The following AHNAK2 variants were observed in gnomAD, a reference collection of about 807,000 sequenced individuals.
AHNAK2 encodes protein AHNAK2.
AHNAK2 carries 18 observed loss-of-function variants against 30.7 expected under a neutral mutation model. The ratio of observed to expected loss-of-function variants is 0.59; its 90% CI spans 0.41 to 0.87. The LOEUF (loss-of-function observed/expected upper bound fraction) is 0.87, where lower values mean the gene tolerates loss of function less well. Among genes scored for constraint, AHNAK2 ranks in the 40% least tolerant of loss-of-function variants. The pLI is 0.00. For missense variants in AHNAK2, 8,604 were observed against 7,373.0 expected, an observed-to-expected ratio of 1.17 and a Z score of -6.11; for synonymous variants, 3,590 against 3,073.8, an observed-to-expected ratio of 1.17 and a Z score of -5.56.
chr14:104,939,811 C>T lies in AHNAK2; in HGVS notation c.15640G>A (p.Glu5214Lys). 1 of 1,613,662 alleles carries T rather than the reference C, an allele frequency of 6.2e-7. No homozygotes were observed. Among genetic ancestry groups the T allele is most frequent in the Non-Finnish European group, 8.5e-7 (1 of 1,179,892 alleles). ...GCCGGTGCCTGTGTCTGAGCCACTT[C>T]CAGCTTTCCAGCCCCGCCTCTGTCC... ...FRDRGGAGKL[E>K]VAQTQAPAAT... is the part of the protein sequence containing the mutation. Residue 5214 changes from glutamate to lysine, a missense_variant, in exon 7 of 7, where the codon GAA (glutamate) becomes AAA (lysine). Glu to Lys is a moderately conservative substitution (Grantham distance 56, BLOSUM62 1). Coordinates refer to ENST00000333244, the MANE Select transcript of AHNAK2 (RefSeq NM_138420.4).
Position 104,943,853 on chromosome 14 carries a change from CT to C in AHNAK2, c.11597del (p.Gln3866ArgfsTer4), listed in dbSNP as rs1450566734. 1.3e-5 allele frequency: 21 copies of C among 1,612,754 alleles called. No individual in the cohort carries two copies. Among genetic ancestry groups the C allele is most frequent in the Non-Finnish European group, 1.8e-5 (21 of 1,179,506 alleles). Reference protein sequence around the residue: ...HSADLTVQARQVDMKLLEGHV... With the variant: ...HSADLTVQARXVDMKLLEGHV... ...GGCCCTCCAGGAGTTTCATGTCCAC[CT>C]GGCGAGCTTGGACCGTCAGGTCGGC... On this transcript the variant is annotated frameshift_variant, in exon 7 of 7. Transcript: ENST00000333244. LOFTEE classifies it low-confidence loss of function (END_TRUNC).
At position 104,941,898 on chromosome 14, in the gene AHNAK2, G is replaced by A. The variant is rs1190036202; in HGVS notation, c.13553C>T (p.Ala4518Val). The change falls in exon 7 of 7, where the codon GCC becomes GTC. Residue 4518 changes from alanine to valine, a missense_variant. Ala to Val is a moderately conservative substitution (Grantham distance 64, BLOSUM62 0). Transcript: ENST00000333244. ...TTDLRIQAPS[A>V]DLEVQAGQVD... The stretch of plus-strand genomic sequence containing the variant: ...CTGGCCAGCCTGGACCTCCAGGTCG[G>A]CGGAAGGGGCCTGAATGCGGAGGTC... The A allele has an allele frequency of 6.2e-7, 1 of 1,613,560 alleles. No individual in the cohort carries two copies. The highest frequency in any genetic ancestry group is 1.1e-5 in the South Asian group (1 of 91,078).
rs141406015 is a variant in AHNAK2, at chr14:104,949,886, G to C, written c.5565C>G (p.Ala1855=). The C allele has an allele frequency of 1.0e-5, 16 of 1,554,116 alleles. No homozygotes were observed. The highest frequency in any genetic ancestry group is 3.4e-5 in the South Asian group (3 of 89,046). ...CCTGCATGGAGGGGAGGCTCACTTC[G>C]GCCTCCACCTTCGGCGCAGACACAT... ...SVDVSAPKVE[A]EVSLPSMQGD... is the part of the protein sequence containing the mutation. Residue 1855 remains alanine, a synonymous_variant, in exon 7 of 7, where the codon GCC becomes GCG. Transcript: ENST00000333244.
In AHNAK2 at chr14:104,943,789, T is replaced by G; in HGVS notation, c.11662A>C (p.Lys3888Gln). 1 of 1,613,096 alleles carries G rather than the reference T, an allele frequency of 6.2e-7. No homozygotes were observed. Among genetic ancestry groups the G allele is most frequent in the Non-Finnish European group, 8.5e-7 (1 of 1,179,556 alleles). Reference protein sequence around the residue: ...EEAGLKGHLPKVQMPSFKMPK... With the variant: ...EEAGLKGHLPQVQMPSFKMPK... The stretch of plus-strand genomic sequence containing the variant: ...ATCTTGAAACTGGGCATCTGCACCT[T>G]GGGCAGGTGTCCTTTGAGGCCGGCT... Residue 3888 changes from lysine to glutamine, a missense_variant, in exon 7 of 7, where the codon AAG (lysine) becomes CAG (glutamine). Transcript: ENST00000333244.
Position 104,950,851 on chromosome 14 carries a change from C to T in AHNAK2, c.4600G>A (p.Gly1534Arg), listed in dbSNP as rs1415437708. 1.9e-6 allele frequency: 3 copies of T among 1,584,948 alleles called. No individual in the cohort carries two copies. In the Admixed American group the frequency reaches 5.2e-5, roughly 28 times the overall value. ...EADVSLPSMQGDLKATDLSIQ... is the reference protein window; with the variant it reads ...EADVSLPSMQRDLKATDLSIQ... ...CTCAGGTCAGTGGCCTTGAGGTCCC[C>T]CTGCATGGAGGGGAGGCTCACGTCG... The change falls in exon 7 of 7, where the codon GGG becomes AGG. Residue 1534 changes from glycine (G) to arginine (R), a missense_variant. Physicochemically the swap from Gly to Arg is moderately radical, Grantham distance 125 (BLOSUM62 -2). Transcript: ENST00000333244.
Position 104,938,839 on chromosome 14 carries a change from T to C in AHNAK2, c.16612A>G (p.Met5538Val), listed in dbSNP as rs1435592547. 1 of 1,613,918 alleles carries C rather than the reference T, an allele frequency of 6.2e-7. No individual in the cohort carries two copies. The highest frequency in any genetic ancestry group is 1.7e-5 in the Admixed American group (1 of 60,024). The change falls in exon 7 of 7, where the codon ATG (methionine) becomes GTG (valine). Residue 5538 changes from methionine (M) to valine (V), a missense_variant. Met to Val is a conservative substitution (Grantham distance 21, BLOSUM62 1). Transcript: ENST00000333244. ...TCCTGAGTCCTAGAGTGTTGAGTCA[T>C]TGTTGTGTACACTCTAGCCTGCGTG... ...PHTQARVYTT[M>V]TQHSRTQEGT...
In AHNAK2 at chr14:104,948,036, G is replaced by C; in HGVS notation, c.7415C>G (p.Ala2472Gly). 6.2e-7 allele frequency: 1 copy of C among 1,612,552 alleles called. No homozygotes were observed. The highest frequency in any genetic ancestry group is 8.5e-7 in the Non-Finnish European group (1 of 1,179,590). The change falls in exon 7 of 7, where the codon GCG becomes GGG. Residue 2472 changes from alanine (A) to glycine (G), a missense_variant. Transcript: ENST00000333244. ...GTCTTTGGTAGTCACATCCTTGTCC[G>C]CCACAGACAGGTCCCCCTCCAGCCA... ...GAWLEGDLSV[A>G]DKDVTTKDSR...
In AHNAK2 at chr14:104,941,281, C is replaced by T; in HGVS notation, c.14170G>A (p.Gly4724Ser). ...TKTPKDSLVP[G>S]AKSSIGLSTI... ...GAAAGACCTATGCTAGACTTTGCACCTGGGACTAAACTATCTTTAGGAGTT... is the reference window on the plus strand; with the variant it reads ...GAAAGACCTATGCTAGACTTTGCACTTGGGACTAAACTATCTTTAGGAGTT... Residue 4724 changes from glycine (G) to serine (S), a missense_variant, in exon 7 of 7, where the codon GGT becomes AGT. Transcript: ENST00000333244. 1 of 1,613,550 alleles carries T rather than the reference C, an allele frequency of 6.2e-7. No individual in the cohort carries two copies. The highest frequency in any genetic ancestry group is 8.5e-7 in the Non-Finnish European group (1 of 1,179,812).
At position 104,939,465 on chromosome 14, in the gene AHNAK2, G is replaced by A; in HGVS notation, c.15986C>T (p.Pro5329Leu). Residue 5329 changes from proline to leucine, a missense_variant, in exon 7 of 7, where the codon CCT (proline) becomes CTT (leucine). Coordinates refer to ENST00000333244, the MANE Select transcript of AHNAK2 (RefSeq NM_138420.4). ...AAGGTCATGTCCTGGCTTGGAAAGA[G>A]GAGTCTCATCTATTTCTCCTGGAAG... is the stretch of plus-strand genomic sequence containing the variant. ...QVLPGEIDET[P>L]LSKPGHDLAS... 1 of 1,613,392 alleles carries A rather than the reference G, an allele frequency of 6.2e-7. No homozygotes were observed. Among genetic ancestry groups the A allele is most frequent in the Non-Finnish European group, 8.5e-7 (1 of 1,179,766 alleles).
rs77111827 is a variant in AHNAK2, at chr14:104,950,906, T to G, written c.4545A>C (p.Ser1515=). The G allele has an allele frequency of 2.1e-3, 3,198 of 1,529,586 alleles. 235 individuals are homozygous for G. In the African/African-American group the frequency reaches 0.034, roughly 16 times the overall value. The allele number at this position is 1,529,586 out of a possible 1,614,324, so 94.8% of individuals were successfully genotyped here. Residue 1515 remains serine, a synonymous_variant, in exon 7 of 7, where the codon TCA becomes TCC. Transcript: ENST00000333244. ...CCACCTTCGGCGCAGACACATCCAC[T>G]GAGGCCTCGATGGACTTGCCTGGGG... ...VSAPGKSIEA[S]VDVSAPKVEA... is the part of the protein sequence containing the mutation.
rs767978036 is a variant in AHNAK2 at position 104,940,511 on chromosome 14, G to A, written c.14940C>T (p.Ser4980=). 46 of 1,613,602 alleles carry A rather than the reference G, an allele frequency of 2.9e-5. No homozygotes were observed. The highest frequency in any genetic ancestry group is 1.1e-4 in the East Asian group (5 of 44,900). The change falls in exon 7 of 7, where the codon AGC becomes AGT. Residue 4980 remains serine, a synonymous_variant. Coordinates refer to ENST00000333244, the MANE Select transcript of AHNAK2 (RefSeq NM_138420.4). This position sits in a 1 kb window ranked among gnomAD's most constrained non-coding sequence, Gnocchi z 4.4. Reference sequence around the variant, plus strand: ...CCAGGCTGAGTTTTGAGTCCTCCACGCTGCATTCTGGGTCCACCTTTGGCC... The same window carrying A: ...CCAGGCTGAGTTTTGAGTCCTCCACACTGCATTCTGGGTCCACCTTTGGCC... ...ETGPKVDPEC[S]VEDSKLSLVL...
At chr14:104,968,794 G>A (rs960051377) in intron 1 of AHNAK2, among the ~76,000 whole-genome samples, 2 of 152,218 alleles carry the variant, frequency 1.3e-5, no homozygotes, top group African/African-American at 4.8e-5. Context: ...ACACGTGTGT[G>A]CTCACAGGAT....
rs892155515 is a variant in AHNAK2 at position 104,966,242 on chromosome 14, T to G, written c.56-8570A>C. 2.6e-5 allele frequency among the ~76,000 whole-genome samples: 4 copies of G among 152,174 alleles called. No individual in the cohort carries two copies. Among genetic ancestry groups the G allele is most frequent in the Non-Finnish European group, 5.9e-5 (4 of 67,964 alleles). On this transcript the variant is annotated intron_variant, in intron 1 of 6. Coordinates refer to ENST00000333244, the MANE Select transcript of AHNAK2 (RefSeq NM_138420.4). The surrounding 1 kb of genome is among the most constrained non-coding windows in gnomAD (Gnocchi z 4.3). The stretch of plus-strand genomic sequence containing the variant: ...CATCCCGGCCCCGCCACCTTCCTAC[T>G]GCTCCGGGGGCCAGGCCCAGACCCC...
chr14:104,945,759 A>C lies in AHNAK2; in HGVS notation c.9692T>G (p.Met3231Arg). The stretch of plus-strand genomic sequence containing the variant: ...TACTTTGGGCATCTTGAAACTGGGC[A>C]TCTGCAACTTGGGCAGGTGCCCTTT... ...GLKGHLPKLQMPSFKMPKVDR... is the reference protein window; with the variant it reads ...GLKGHLPKLQRPSFKMPKVDR... Residue 3231 changes from methionine (M) to arginine (R), a missense_variant, in exon 7 of 7, where the codon ATG becomes AGG. Coordinates refer to ENST00000333244, the MANE Select transcript of AHNAK2 (RefSeq NM_138420.4). 6.3e-7 allele frequency: 1 copy of C among 1,594,782 alleles called. No homozygotes were observed. The highest frequency in any genetic ancestry group is 8.6e-7 in the Non-Finnish European group (1 of 1,168,972).
rs761767516 is a variant in AHNAK2, at chr14:104,948,540, AT to A, written c.6910del (p.Met2304CysfsTer8). On this transcript the variant is annotated frameshift_variant, in exon 7 of 7. Coordinates refer to ENST00000333244, the MANE Select transcript of AHNAK2 (RefSeq NM_138420.4). LOFTEE classifies it low-confidence loss of function (END_TRUNC). ...AGTCACGTCCTTGTCGGCCAGGGAC[AT>A]GTCCCCCTCCAGCCGCGCACCATCC... ...KLDGARLEGD[M>X]SLADKDVTAK... The A allele has an allele frequency of 6.2e-7, 1 of 1,612,000 alleles. No individual in the cohort carries two copies. Among genetic ancestry groups the A allele is most frequent in the Admixed American group, 1.7e-5 (1 of 59,846 alleles).
In AHNAK2 at chr14:104,952,149, A is replaced by G. The variant is rs1361751106; in HGVS notation, c.3302T>C (p.Val1101Ala). Residue 1101 changes from valine to alanine, a missense_variant, in exon 7 of 7, where the codon GTG becomes GCG. Val to Ala is a moderately conservative substitution (Grantham distance 64). Coordinates refer to ENST00000333244, the MANE Select transcript of AHNAK2 (RefSeq NM_138420.4). ...GTCCAGCTTGGGGCCCTTGACGTCC[A>G]CCTGGGGGCCCTTGAGGGCCACTTT... Reference protein sequence around the residue: ...MPKVALKGPQVDVKGPKLDLK... With the variant: ...MPKVALKGPQADVKGPKLDLK... 12 of 1,612,064 alleles carry G rather than the reference A, an allele frequency of 7.4e-6. No homozygotes were observed. Among genetic ancestry groups the G allele is most frequent in the Non-Finnish European group, 1.0e-5 (12 of 1,179,556 alleles).
intron 1 of AHNAK2, among the ~76,000 whole-genome samples, chr14:104,968,777 T>G (rs1325263995): frequency 1.3e-5 from 2 of 152,208 alleles, no homozygotes; most frequent in Non-Finnish European, 2.9e-5. Flanking sequence ...TTTGCAGGTG[T>G]GTGTGCACAC....
Position 104,947,977 on chromosome 14 carries a change from A to G in AHNAK2, c.7474T>C (p.Ser2492Pro), listed in dbSNP as rs772979015. 6.2e-7 allele frequency: 1 copy of G among 1,612,332 alleles called. No homozygotes were observed. Among genetic ancestry groups the G allele is most frequent in the East Asian group, 2.2e-5 (1 of 44,726 alleles). Reference protein sequence around the residue: ...RFKIPKFKMPSFGVSAPGKSI... With the variant: ...RFKIPKFKMPPFGVSAPGKSI... Reference sequence around the variant, plus strand: ...TTGCCTGGGGCAGACACCCCGAATGACGGCATCTTGAACTTGGGAATTTTG... The same window carrying G: ...TTGCCTGGGGCAGACACCCCGAATGGCGGCATCTTGAACTTGGGAATTTTG... Residue 2492 changes from serine to proline, a missense_variant, in exon 7 of 7, where the codon TCA becomes CCA. Transcript: ENST00000333244.
chr14:104,955,333 TG>T, intron 5 of AHNAK2, 149 bp downstream of exon 5: 1 of 1,324,412 alleles, frequency 7.6e-7, no homozygotes, highest in Non-Finnish European at 1.0e-6. Flanking sequence ...CTAGATGCAG[TG>T]GGTGATCCCA....
Sources: allele counts gnomAD v4.1 joint callset (sites outside exome capture counted in the v4.1 genomes callset), GRCh38; gene constraint gnomAD v4.1.1; non-coding constraint Gnocchi (gnomAD v3.1); transcripts MANE v1.5; gene names NCBI Gene and HGNC (gene_info 2026-07-23, HGNC 2026-07-21).